The following FREM1 variants were observed in gnomAD, a reference collection of about 807,000 sequenced individuals.
FREM1 encodes FRAS1 related extracellular matrix 1, also known as FRAS1-related extracellular matrix protein 1.
A neutral mutation model predicts 210.1 loss-of-function variants in FREM1; 220 were observed. The ratio of observed to expected loss-of-function variants is 1.05; its 90% CI spans 0.94 to 1.17. The LOEUF is 1.17. Among genes scored for constraint, FREM1 ranks in the 50% most tolerant of loss-of-function variants. The pLI is 0.00. For synonymous variants in FREM1, 1,189 were observed against 980.2 expected (o/e 1.21, Z -3.98); for missense variants, 3,454 against 2,675.5 (o/e 1.29, Z -6.42).
At chr9:14,855,643 C>T (rs1338679178) in intron 5 of FREM1, among the ~76,000 whole-genome samples, 1 of 151,928 alleles carries the variant, frequency 6.6e-6, no homozygotes, top group African/African-American at 2.4e-5. Flanking sequence ...TCTTATCTTG[C>T]TTTCTGTGTT....
At chr9:14,813,900 G>A (rs536197473) in intron 15 of FREM1, among the ~76,000 whole-genome samples, 20 of 152,226 alleles carry the variant, frequency 1.3e-4, no homozygotes, top group African/African-American at 3.9e-4. Flanking sequence ...TCTTTTTAAC[G>A]TGTGGACTTT....
chr9:14,894,151 T>A (rs1042099761), intron 1 of FREM1, among the ~76,000 whole-genome samples: 3 of 152,216 alleles, frequency 2.0e-5, no homozygotes, highest in African/African-American at 7.2e-5. Context: ...ACAGAAAGCA[T>A]TGTCAAATAT....
chr9:14,871,831 A>G (rs1404640240), intron 1 of FREM1, among the ~76,000 whole-genome samples: 9 of 152,132 alleles, frequency 5.9e-5, no homozygotes, highest in Admixed American at 5.9e-4. Flanking sequence ...ATCTTGAATT[A>G]ATTTTTGTAT....
intron 36 of FREM1, among the ~76,000 whole-genome samples, chr9:14,738,734 G>A (rs1427717611): frequency 6.6e-6 from 1 of 152,112 alleles, no homozygotes; most frequent in East Asian, 1.9e-4. Flanking sequence ...ATTTGGCCGG[G>A]TGCGGTGGCT....
intron 4 of FREM1, among the ~76,000 whole-genome samples, chr9:14,858,261 C>T (rs1248917395): frequency 3.3e-5 from 5 of 152,188 alleles, no homozygotes; most frequent in Non-Finnish European, 5.9e-5. Flanking sequence ...AACCAACATG[C>T]TCTTTCTCAC....
intron 23 of FREM1, among the ~76,000 whole-genome samples, chr9:14,785,862 T>C (rs1330828635): frequency 1.3e-5 from 2 of 152,152 alleles, no homozygotes; most frequent in East Asian, 3.8e-4. Flanking sequence ...ATGAATATAT[T>C]TAACACTATG....
intron 9 of FREM1, among the ~76,000 whole-genome samples, chr9:14,841,995 A>C (rs1224307414): frequency 6.6e-6 from 1 of 152,182 alleles, no homozygotes; most frequent in Non-Finnish European, 1.5e-5. Flanking sequence ...AATAATCTAG[A>C]ATAGTCAAAA....
intron 28 of FREM1, among the ~76,000 whole-genome samples, chr9:14,757,035 T>C (rs903380839): frequency 2.0e-5 from 3 of 148,894 alleles, no homozygotes; most frequent in African/African-American, 7.4e-5. Context: ...GAAGACCTGG[T>C]GAACAACCAG....
rs1425361066 is a variant in FREM1, at chr9:14,851,577, T to G, written c.859A>C (p.Arg287=). 2 of 1,613,892 alleles carry G rather than the reference T, an allele frequency of 1.2e-6. No individual in the cohort carries two copies. Among genetic ancestry groups the G allele is most frequent in the Admixed American group, 1.7e-5 (1 of 60,024 alleles). ...GGAATCTGATTCGGAATTCCAGCTCTGATATAGACAGGCAGCCACGCACTC... is the reference window on the plus strand; with the variant it reads ...GGAATCTGATTCGGAATTCCAGCTCGGATATAGACAGGCAGCCACGCACTC... ...SESAWLPVYI[R]AGIPNQIPKA... is the part of the protein sequence containing the mutation. The change falls in exon 6 of 37, where the codon AGA becomes CGA. Residue 287 remains arginine, a synonymous_variant. Coordinates refer to ENST00000380880, the MANE Select transcript of FREM1 (RefSeq NM_001379081.2).
At chr9:14,791,717 G>T (rs1389733) in intron 22 of FREM1, among the ~76,000 whole-genome samples, 77,344 of 152,098 alleles carry the variant, frequency 0.51, 20,336 homozygotes, top group Middle Eastern at 0.62. Context: ...ACATAAGGAT[G>T]GCCCCTGCTC....
In FREM1 at chr9:14,842,498, T is replaced by A; in HGVS notation, c.1556A>T (p.Asp519Val). ...ATTGGTTATGAGGAACGGGGGACTA[T>A]CATCTTTGGGCAAGACGTTGATGGG... ...KFPINVLPKD[D>V]SPPFLITNVV... The change falls in exon 9 of 37, where the codon GAT (aspartate) becomes GTT (valine). Residue 519 changes from aspartate (D) to valine (V), a missense_variant. Coordinates refer to ENST00000380880, the MANE Select transcript of FREM1 (RefSeq NM_001379081.2). 1 of 1,614,014 alleles carries A rather than the reference T, an allele frequency of 6.2e-7. No individual in the cohort carries two copies.
chr9:14,843,269 C>T (rs187697546), intron 8 of FREM1, among the ~76,000 whole-genome samples: 1 of 152,278 alleles, frequency 6.6e-6, no homozygotes, highest in Admixed American at 6.5e-5. Context: ...TGTGCCTCCA[C>T]CCTCCACCTT....
At chr9:14,806,889 C>G in intron 17 of FREM1, 43 bp from the exon 18 acceptor site, 1 of 1,317,884 alleles carries the variant, frequency 7.6e-7, no homozygotes, top group Non-Finnish European at 1.1e-6. Context: ...GCATGAAATC[C>G]TCTAAACAGA....
chr9:14,784,893 G>T (rs181153334), intron 23 of FREM1, among the ~76,000 whole-genome samples: 1 of 152,220 alleles, frequency 6.6e-6, no homozygotes, highest in Admixed American at 6.5e-5. Context: ...CAAATATCAT[G>T]ATAAATTGTC....
chr9:14,825,030 CA>C, intron 10 of FREM1, 38 bp from the exon 11 acceptor site: 5 of 1,428,162 alleles, frequency 3.5e-6, no homozygotes, highest in East Asian at 2.4e-5. Flanking sequence ...TTTGAAATAC[CA>C]AAAAAACAAC....
intron 8 of FREM1, among the ~76,000 whole-genome samples, chr9:14,843,703 A>G (rs1200887948): frequency 6.6e-6 from 1 of 150,420 alleles, no homozygotes; most frequent in Non-Finnish European, 1.5e-5. Context: ...ACATGGCAGC[A>G]GTTCTTAGAG....
In FREM1 at chr9:14,797,603, A is replaced by G; in HGVS notation, c.3734T>C (p.Leu1245Pro). The G allele has an allele frequency of 6.2e-7, 1 of 1,612,514 alleles. No individual in the cohort carries two copies. The highest frequency in any genetic ancestry group is 8.5e-7 in the Non-Finnish European group (1 of 1,178,982). Residue 1245 changes from leucine (L) to proline (P), a missense_variant, in exon 21 of 37, where the codon CTT becomes CCT. Physicochemically the swap from Leu to Pro is moderately conservative, Grantham distance 98. Coordinates refer to ENST00000380880, the MANE Select transcript of FREM1 (RefSeq NM_001379081.2). Reference sequence around the variant, plus strand: ...CAATTGGATTGTAAAATCATCAGCAAGGCTCTCTGAGTCATCATGCATGTA... The same window carrying G: ...CAATTGGATTGTAAAATCATCAGCAGGGCTCTCTGAGTCATCATGCATGTA... ...LTYMHDDSESLADDFTIQLSD... is the reference protein window; with the variant it reads ...LTYMHDDSESPADDFTIQLSD...
At chr9:14,837,512 G>A (rs890157858) in intron 10 of FREM1, among the ~76,000 whole-genome samples, 12 of 151,824 alleles carry the variant, frequency 7.9e-5, no homozygotes, top group African/African-American at 2.7e-4. Flanking sequence ...TATTACAGGG[G>A]TATAAAAAAG....
intron 2 of FREM1, among the ~76,000 whole-genome samples, chr9:14,865,347 C>T (rs1831309399): frequency 6.6e-6 from 1 of 152,194 alleles, no homozygotes. Flanking sequence ...ATGAGGAAAA[C>T]ATATTGCCAT....
Sources: allele counts gnomAD v4.1 joint callset (sites outside exome capture counted in the v4.1 genomes callset), GRCh38; gene constraint gnomAD v4.1.1; transcripts MANE v1.5; gene names NCBI Gene and HGNC (gene_info 2026-07-23, HGNC 2026-07-21).